The following CLSTN2 variants were observed in gnomAD, a reference collection of about 807,000 sequenced individuals.
The protein encoded by CLSTN2 is calsyntenin 2, also known as calsyntenin-2.
In CLSTN2, 48 loss-of-function variants were observed where a neutral mutation model predicts 101.2. That is an observed-to-expected ratio of 0.47 (90% CI 0.38 to 0.60). The LOEUF (loss-of-function observed/expected upper bound fraction) is 0.60, where lower values mean the gene tolerates loss of function less well. CLSTN2 is among the 20% of genes least tolerant of loss of function. The pLI, the probability that CLSTN2 is intolerant of heterozygous loss-of-function variation, is 0.00. For missense variants in CLSTN2, 1,160 were observed against 1,238.2 expected, an observed-to-expected ratio of 0.94 and a Z score of 0.95; for synonymous variants, 481 against 463.6, an observed-to-expected ratio of 1.04 and a Z score of -0.48.
At chr3:139,984,873 C>T (rs1310907304) in intron 1 of CLSTN2, among the ~76,000 whole-genome samples, 1 of 152,180 alleles carries the variant, frequency 6.6e-6, no homozygotes, top group Non-Finnish European at 1.5e-5. Flanking sequence ...AAACAGAATG[C>T]TTCTTCCCCT....
chr3:140,272,877 T>C (rs1408306923), intron 2 of CLSTN2, among the ~76,000 whole-genome samples: 2 of 152,172 alleles, frequency 1.3e-5, no homozygotes, highest in African/African-American at 4.8e-5. Flanking sequence ...TGATTGGCAA[T>C]GTTCCTTTCA....
chr3:140,501,700 A>G (rs919483873), intron 8 of CLSTN2, among the ~76,000 whole-genome samples: 1 of 152,244 alleles, frequency 6.6e-6, no homozygotes, highest in Non-Finnish European at 1.5e-5. Context: ...ATCCTTACAC[A>G]GACACTCTAT....
At chr3:140,315,563 C>T (rs2087220043) in intron 2 of CLSTN2, among the ~76,000 whole-genome samples, 2 of 152,186 alleles carry the variant, frequency 1.3e-5, no homozygotes, top group South Asian at 2.1e-4. Context: ...CTGCCTTCCA[C>T]GTGGGCCAAA....
intron 8 of CLSTN2, among the ~76,000 whole-genome samples, chr3:140,528,550 G>A (rs974545825): frequency 6.6e-6 from 1 of 151,456 alleles, no homozygotes; most frequent in African/African-American, 2.4e-5. Context: ...TCACAAAGTA[G>A]GACGTGCATT....
intron 1 of CLSTN2, 82 bp from the exon 2 acceptor site, chr3:140,175,857 TATGATTGGGCAA>T: frequency 8.2e-7 from 1 of 1,226,754 alleles, no homozygotes; most frequent in Non-Finnish European, 1.1e-6. Context: ...GATGAGAGTC[TATGATTGGGCAA>T]ATATACAATC....
intron 2 of CLSTN2, among the ~76,000 whole-genome samples, chr3:140,182,992 T>A (rs936387409): frequency 6.6e-6 from 1 of 151,984 alleles, no homozygotes; most frequent in Non-Finnish European, 1.5e-5. Context: ...AGAGGAAGGA[T>A]GACAGGTGCA....
chr3:140,346,204 T>A (rs890341739), intron 2 of CLSTN2, among the ~76,000 whole-genome samples: 6 of 152,170 alleles, frequency 3.9e-5, no homozygotes, highest in African/African-American at 1.4e-4. Context: ...GCCAGTCGAG[T>A]GAGCTATAAA....
chr3:140,032,070 T>G (rs1477893965), intron 1 of CLSTN2, among the ~76,000 whole-genome samples: 1 of 152,200 alleles, frequency 6.6e-6, no homozygotes, highest in Non-Finnish European at 1.5e-5. Context: ...GAAGGACCCT[T>G]GACCTCCTTC....
intron 2 of CLSTN2, among the ~76,000 whole-genome samples, chr3:140,223,418 G>A (rs1397126638): frequency 6.6e-6 from 1 of 152,212 alleles, no homozygotes; most frequent in African/African-American, 2.4e-5. Context: ...CCCTTGTGAG[G>A]CCTGGAGCTT....
At chr3:140,349,033 A>C (rs974657691) in intron 2 of CLSTN2, among the ~76,000 whole-genome samples, 1 of 152,196 alleles carries the variant, frequency 6.6e-6, no homozygotes, top group Non-Finnish European at 1.5e-5. Flanking sequence ...GAAAAATCTC[A>C]TGGGAGGTGA....
chr3:140,044,416 A>C (rs1466795769), intron 1 of CLSTN2, among the ~76,000 whole-genome samples: 5 of 152,164 alleles, frequency 3.3e-5, no homozygotes, highest in African/African-American at 1.2e-4. Context: ...TTATCAGCTT[A>C]AGGAGATTTT....
rs183845163 is a variant in CLSTN2 at position 140,416,850 on chromosome 3, C to T, written c.638-4275C>T. Among the ~76,000 whole-genome samples, 13 of 152,346 alleles carry T rather than the reference C, an allele frequency of 8.5e-5. No individual in the cohort carries two copies. In the East Asian group the frequency reaches 2.5e-3, roughly 29 times the overall value. ...TTCAAGCAATTGTTTGGTCTTCATG[C>T]AGCCTCAGCTGGGCTCTCTCTTTGA... On this transcript the variant is annotated intron_variant, in intron 4 of 16. Coordinates refer to ENST00000458420, the MANE Select transcript of CLSTN2 (RefSeq NM_022131.3).
chr3:140,092,918 G>T (rs1440369430), intron 1 of CLSTN2, among the ~76,000 whole-genome samples: 2 of 152,210 alleles, frequency 1.3e-5, no homozygotes, highest in African/African-American at 4.8e-5. Flanking sequence ...ATGCTGGCCA[G>T]ATGGCCAAGA....
chr3:140,252,361 G>A (rs2086571723), intron 2 of CLSTN2, among the ~76,000 whole-genome samples: 1 of 152,134 alleles, frequency 6.6e-6, no homozygotes. Flanking sequence ...ACTCAGAGAT[G>A]CTTGGTACTC....
In CLSTN2 at chr3:140,566,055, A is replaced by T; in HGVS notation, c.2670A>T (p.Lys890Asn). 1.2e-6 allele frequency: 2 copies of T among 1,614,098 alleles called. No individual in the cohort carries two copies. Among genetic ancestry groups the T allele is most frequent in the African/African-American group, 1.3e-5 (1 of 75,044 alleles). Residue 890 changes from lysine to asparagine, a missense_variant and splice_region_variant, in exon 17 of 17, where the codon AAA (lysine) becomes AAT (asparagine). Lys to Asn is a moderately conservative substitution (Grantham distance 94). Coordinates refer to ENST00000458420, the MANE Select transcript of CLSTN2 (RefSeq NM_022131.3). ...ALTITVNPME[K>N]HEGPGHGEDE... ...TGCTTTTTCTCCTTGATATCCAGAA[A>T]CATGAAGGACCAGGGCATGGGGAAG... is the stretch of plus-strand genomic sequence containing the variant.
At chr3:140,124,858 G>A (rs975711180) in intron 1 of CLSTN2, among the ~76,000 whole-genome samples, 4 of 152,208 alleles carry the variant, frequency 2.6e-5, no homozygotes. Flanking sequence ...TGCAGATAGT[G>A]AATGGGGACA....
intron 8 of CLSTN2, among the ~76,000 whole-genome samples, chr3:140,481,019 C>T (rs1017029215): frequency 9.2e-5 from 14 of 152,184 alleles, no homozygotes; most frequent in African/African-American, 3.4e-4. Context: ...GAAGTCCTTG[C>T]CCATGCCTAT....
chr3:140,212,506 A>C (rs2010870327), intron 2 of CLSTN2, among the ~76,000 whole-genome samples: 1 of 152,178 alleles, frequency 6.6e-6, no homozygotes, highest in South Asian at 2.1e-4. Context: ...TGTTCTGAGA[A>C]CCACCCAAAG....
intron 2 of CLSTN2, among the ~76,000 whole-genome samples, chr3:140,286,979 A>C (rs908259703): frequency 5.9e-5 from 9 of 152,194 alleles, no homozygotes; most frequent in African/African-American, 1.2e-4. Context: ...GAGGGGAAAC[A>C]GGTTGGCTCA....
Sources: allele counts gnomAD v4.1 joint callset (sites outside exome capture counted in the v4.1 genomes callset), GRCh38; gene constraint gnomAD v4.1.1; transcripts MANE v1.5; gene names NCBI Gene and HGNC (gene_info 2026-07-23, HGNC 2026-07-21).